Variants in ZFP14 observed in about 807,000 individuals in gnomAD.
ZFP14 encodes zinc finger protein 14 homolog.
ZFP14 carries 22 observed loss-of-function variants against 54.5 expected under a neutral mutation model. The ratio of observed to expected loss-of-function variants is 0.40; its 90% CI spans 0.29 to 0.58. The LOEUF (loss-of-function observed/expected upper bound fraction) is 0.58, where lower values mean the gene tolerates loss of function less well. Ranked by LOEUF, ZFP14 falls within the 20% of genes least tolerant of loss-of-function variation. The pLI is 0.39. For missense variants in ZFP14, 470 were observed against 637.8 expected (o/e 0.74, Z 2.83); for synonymous variants, 159 against 204.0 (o/e 0.78, Z 1.88).
Position 36,339,015 on chromosome 19 carries a change from C to T in ZFP14, c.*1209G>A, listed in dbSNP as rs1480283424. The T allele has an allele frequency of 1.3e-5, 2 of 152,110 alleles. No homozygotes were observed. The highest frequency in any genetic ancestry group is 2.9e-5 in the Non-Finnish European group (2 of 68,018). The allele number at this position is 152,110 out of a possible 1,614,324, so 9.4% of individuals were successfully genotyped here. ...AATCATTTCCTATTTCCCTCTAATT[C>T]TTCAACAGCTGTATTACTAGTGACC... On this transcript the variant is annotated 3_prime_UTR_variant, in exon 5 of 5. Transcript: ENST00000270001.
chr19:36,357,788 G>T (rs954744811), intron 4 of ZFP14, among the ~76,000 whole-genome samples: 4 of 151,826 alleles, frequency 2.6e-5, no homozygotes, highest in Non-Finnish European at 5.9e-5. Flanking sequence ...TGTCACCCAG[G>T]GTGGAGTGCA....
chr19:36,341,584 T>G lies in ZFP14; in HGVS notation c.242A>C (p.Glu81Ala). ...EGTRRYCPDL[E>A]SRYRTNTLSP... ...TAAAGTATTGGTCCTGTATCTGGAC[T>G]CCAAATCTGAAAGAAAACAAGAAAG... Residue 81 changes from glutamate to alanine, a missense_variant, in exon 5 of 5, where the codon GAG becomes GCG. Physicochemically the swap from Glu to Ala is moderately radical, Grantham distance 107. Coordinates refer to ENST00000270001, the MANE Select transcript of ZFP14 (RefSeq NM_020917.3). This position sits in a 1 kb window ranked among gnomAD's most constrained non-coding sequence, Gnocchi z 4.2. 6.4e-7 allele frequency: 1 copy of G among 1,553,594 alleles called. No individual in the cohort carries two copies. The highest frequency in any genetic ancestry group is 1.2e-5 in the South Asian group (1 of 81,376).
intron 4 of ZFP14, among the ~76,000 whole-genome samples, chr19:36,358,203 C>T (rs1475234885): frequency 2.7e-5 from 4 of 150,728 alleles, no homozygotes; most frequent in Admixed American, 2.6e-4. Flanking sequence ...CTCCGCCTCC[C>T]GGGTTCAACC....
chr19:36,345,052 G>A (rs966343289), intron 4 of ZFP14, among the ~76,000 whole-genome samples: 1 of 152,056 alleles, frequency 6.6e-6, no homozygotes, highest in Admixed American at 6.6e-5. Flanking sequence ...ACCTGAGGTC[G>A]GGAGTTCGAG....
In ZFP14 at chr19:36,336,961, C is replaced by A. The variant is rs1340804365; in HGVS notation, c.*3263G>T. ...TTCCAGCTCTCTTTGCCAATTATTT[C>A]TTTTGCTAGAATATTTTAATCCAAA... On this transcript the variant is annotated 3_prime_UTR_variant, in exon 5 of 5. Coordinates refer to ENST00000270001, the MANE Select transcript of ZFP14 (RefSeq NM_020917.3). 1 of 145,666 alleles carries A rather than the reference C, an allele frequency of 6.9e-6. No homozygotes were observed. Among genetic ancestry groups the A allele is most frequent in the Non-Finnish European group, 1.5e-5 (1 of 65,846 alleles). 9.0% of individuals were successfully genotyped at this position (145,666 alleles called of 1,614,324 possible).
intron 1 of ZFP14, among the ~76,000 whole-genome samples, chr19:36,374,510 AAAG>A (rs1207692074): frequency 1.3e-5 from 2 of 151,702 alleles, no homozygotes; most frequent in African/African-American, 4.8e-5. Flanking sequence ...AAAAAAAAGA[AAAG>A]AAAAAAGATT....
At chr19:36,358,302 G>T (rs978106718) in intron 4 of ZFP14, among the ~76,000 whole-genome samples, 1 of 151,630 alleles carries the variant, frequency 6.6e-6, no homozygotes, top group Non-Finnish European at 1.5e-5. Context: ...GTAGAGACGG[G>T]GTTTCACCAT....
chr19:36,359,079 T>C (rs1238530870), intron 4 of ZFP14, among the ~76,000 whole-genome samples: 1 of 152,166 alleles, frequency 6.6e-6, no homozygotes, highest in Non-Finnish European at 1.5e-5. Context: ...CTTCTCAACC[T>C]CCAAAACGGT....
At chr19:36,364,761 A>C (rs1054117653) in intron 2 of ZFP14, among the ~76,000 whole-genome samples, 2 of 152,034 alleles carry the variant, frequency 1.3e-5, no homozygotes, top group Non-Finnish European at 2.9e-5. Flanking sequence ...ATCTGTGGAG[A>C]AGTTTAGAGT....
At chr19:36,377,978 G>C (rs1317462150) in intron 1 of ZFP14, 1 of 152,246 alleles carries the variant, frequency 6.6e-6, no homozygotes, top group African/African-American at 2.4e-5. Context: ...ACATTTCAGG[G>C]GTTAAAGTCT....
rs1040567918 is a variant in ZFP14 at position 36,339,001 on chromosome 19, A to G, written c.*1223T>C. The stretch of plus-strand genomic sequence containing the variant: ...TGGAATTATGGGAAAATCATTTCCT[A>G]TTTCCCTCTAATTCTTCAACAGCTG... On this transcript the variant is annotated 3_prime_UTR_variant, in exon 5 of 5. Coordinates refer to ENST00000270001, the MANE Select transcript of ZFP14 (RefSeq NM_020917.3). 6.6e-6 allele frequency: 1 copy of G among 152,170 alleles called. No individual in the cohort carries two copies. Among genetic ancestry groups the G allele is most frequent in the Non-Finnish European group, 1.5e-5 (1 of 68,030 alleles). The allele number at this position is 152,170 out of a possible 1,614,324, so 9.4% of individuals were successfully genotyped here. A position where few individuals can be genotyped will look rare whatever the true frequency, so the allele number is the denominator to read the frequency against.
chr19:36,341,553 T>C lies in ZFP14; in HGVS notation c.273A>G (p.Pro91=). ...AATATATTTCATAAATGTCCTTTTC[T>C]GGAGATAAAGTATTGGTCCTGTATC... ...ESRYRTNTLS[P]EKDIYEIYSF... Residue 91 remains proline, a synonymous_variant, in exon 5 of 5, where the codon CCA becomes CCG. Transcript: ENST00000270001. The surrounding 1 kb of genome is among the most constrained non-coding windows in gnomAD (Gnocchi z 4.2). 12 of 1,598,640 alleles carry C rather than the reference T, an allele frequency of 7.5e-6. No homozygotes were observed. Among genetic ancestry groups the C allele is most frequent in the Non-Finnish European group, 1.0e-5 (12 of 1,174,832 alleles).
chr19:36,361,986 G>T, intron 3 of ZFP14, 126 bp downstream of exon 3: 2 of 1,201,158 alleles, frequency 1.7e-6, no homozygotes, highest in Non-Finnish European at 1.1e-6. Context: ...GAGAGGCCTA[G>T]TTCCAACCTG....
At chr19:36,360,910 T>C (rs1207043726) in intron 3 of ZFP14, among the ~76,000 whole-genome samples, 1 of 152,232 alleles carries the variant, frequency 6.6e-6, no homozygotes, top group Non-Finnish European at 1.5e-5. Flanking sequence ...TATTAACCTT[T>C]TGTGTCTACG....
chr19:36,342,752 G>A (rs2031345263), intron 4 of ZFP14, among the ~76,000 whole-genome samples: 1 of 151,370 alleles, frequency 6.6e-6, no homozygotes, highest in South Asian at 2.1e-4. Context: ...CTCTGGGGAG[G>A]GAGACCTGGG....
chr19:36,377,979 G>A (rs2031989948), intron 1 of ZFP14: 1 of 152,262 alleles, frequency 6.6e-6, no homozygotes, highest in African/African-American at 2.4e-5. Context: ...CATTTCAGGG[G>A]TTAAAGTCTA....
chr19:36,370,861 G>A (rs183835257), intron 1 of ZFP14, among the ~76,000 whole-genome samples: 10 of 152,310 alleles, frequency 6.6e-5, no homozygotes, highest in Admixed American at 2.6e-4. Context: ...ATCAGTGCAC[G>A]GTCACAAAGA....
chr19:36,343,801 G>A (rs907813730), intron 4 of ZFP14, among the ~76,000 whole-genome samples: 7 of 152,036 alleles, frequency 4.6e-5, no homozygotes, highest in Admixed American at 3.3e-4. Context: ...TGGGTAATGG[G>A]GGCTGAGTGT....
chr19:36,358,385 A>G (rs537552950), intron 4 of ZFP14, among the ~76,000 whole-genome samples: 1 of 152,176 alleles, frequency 6.6e-6, no homozygotes. Flanking sequence ...TGCTAGGATT[A>G]TATGTGTGAG....
Sources: allele counts gnomAD v4.1 joint callset (sites outside exome capture counted in the v4.1 genomes callset), GRCh38; gene constraint gnomAD v4.1.1; non-coding constraint Gnocchi (gnomAD v3.1); transcripts MANE v1.5; gene names NCBI Gene and HGNC (gene_info 2026-07-23, HGNC 2026-07-21).